Variants in TMC1 observed in about 807,000 individuals in gnomAD.
TMC1 encodes transmembrane channel like 1.
A neutral mutation model predicts 105.8 loss-of-function variants in TMC1; 84 were observed. The observed-to-expected ratio is 0.79, with a 90% CI of 0.67 to 0.95. The LOEUF is 0.95. Ranked by LOEUF, TMC1 falls within the 40% of genes least tolerant of loss-of-function variation. The pLI is 0.00. For missense variants in TMC1, 817 were observed against 914.1 expected, an observed-to-expected ratio of 0.89 and a Z score of 1.37; for synonymous variants, 315 against 311.5, an observed-to-expected ratio of 1.01 and a Z score of -0.12.
At chr9:72,731,918 A>G (rs980577621) in intron 8 of TMC1, among the ~76,000 whole-genome samples, 4 of 152,102 alleles carry the variant, frequency 2.6e-5, no homozygotes, top group Non-Finnish European at 4.4e-5. Context: ...TACTTTTACT[A>G]TTCTTGTTTG....
chr9:72,577,222 C>T (rs1824397595), intron 1 of TMC1, among the ~76,000 whole-genome samples: 1 of 152,194 alleles, frequency 6.6e-6, no homozygotes, highest in Non-Finnish European at 1.5e-5. Flanking sequence ...CATTGTTCCT[C>T]CTCTTGGGCT....
At chr9:72,525,493 T>C (rs1823390807) in intron 1 of TMC1, among the ~76,000 whole-genome samples, 1 of 152,216 alleles carries the variant, frequency 6.6e-6, no homozygotes, top group South Asian at 2.1e-4. Context: ...ACAGTGTGAA[T>C]AAGTTAATTT....
chr9:72,742,306 C>G (rs892294843), intron 9 of TMC1, 138 bp from the exon 10 acceptor site: 6 of 728,584 alleles, frequency 8.2e-6, no homozygotes, highest in Admixed American at 2.0e-5. Context: ...TACTGTTTCC[C>G]CCTTTGACTA....
intron 2 of TMC1, among the ~76,000 whole-genome samples, chr9:72,590,294 A>T (rs1824616327): frequency 6.6e-6 from 1 of 152,202 alleles, no homozygotes; most frequent in Non-Finnish European, 1.5e-5. Flanking sequence ...CTTGAAGCAG[A>T]TTGCAATTTC....
chr9:72,701,566 CA>C (rs1826646915), intron 8 of TMC1, among the ~76,000 whole-genome samples: 1 of 152,166 alleles, frequency 6.6e-6, no homozygotes, highest in Non-Finnish European at 1.5e-5. Context: ...TATCCCTTCA[CA>C]AGCCTATTTA....
intron 8 of TMC1, among the ~76,000 whole-genome samples, chr9:72,719,380 C>T (rs767829724): frequency 8.5e-5 from 13 of 152,142 alleles, no homozygotes; most frequent in African/African-American, 1.4e-4. Context: ...GCTTCTTCTA[C>T]CCTTGTGTTT....
chr9:72,743,434 G>T (rs1827430188), intron 10 of TMC1, among the ~76,000 whole-genome samples: 1 of 150,524 alleles, frequency 6.6e-6, no homozygotes, highest in African/African-American at 2.4e-5. Flanking sequence ...CAGGCCTGGT[G>T]CAAAAGCCTG....
intron 5 of TMC1, among the ~76,000 whole-genome samples, chr9:72,668,878 G>C (rs561040804): frequency 6.6e-6 from 1 of 152,286 alleles, no homozygotes; most frequent in South Asian, 2.1e-4. Flanking sequence ...AACAGCTTGT[G>C]TGAGATACTT....
At chr9:72,630,123 C>T (rs946966959) in intron 4 of TMC1, among the ~76,000 whole-genome samples, 2 of 152,140 alleles carry the variant, frequency 1.3e-5, no homozygotes, top group Admixed American at 6.5e-5. Context: ...GCCTCAGCCT[C>T]CCAAAGTGCT....
At chr9:72,706,001 A>G (rs955343104) in intron 8 of TMC1, among the ~76,000 whole-genome samples, 9 of 152,222 alleles carry the variant, frequency 5.9e-5, no homozygotes, top group Non-Finnish European at 4.4e-5. Flanking sequence ...TCAGCTGGCC[A>G]TTAAGGTAAC....
At chr9:72,822,994 G>A (rs1034114417) in intron 20 of TMC1, among the ~76,000 whole-genome samples, 5 of 152,080 alleles carry the variant, frequency 3.3e-5, no homozygotes, top group Non-Finnish European at 7.4e-5. Context: ...TCACTATTTT[G>A]AAATCAGGGA....
intron 1 of TMC1, among the ~76,000 whole-genome samples, chr9:72,552,589 A>G (rs1823875616): frequency 6.6e-6 from 1 of 152,218 alleles, no homozygotes; most frequent in Non-Finnish European, 1.5e-5. Context: ...AACATGGATC[A>G]CAAGATACTT....
intron 3 of TMC1, among the ~76,000 whole-genome samples, chr9:72,627,431 A>G (rs1393916932): frequency 1.3e-5 from 2 of 152,126 alleles, no homozygotes; most frequent in African/African-American, 2.4e-5. Context: ...CTCTAGTTCC[A>G]TCCACAAGTA....
At chr9:72,529,782 A>T (rs1823467674) in intron 1 of TMC1, among the ~76,000 whole-genome samples, 1 of 152,178 alleles carries the variant, frequency 6.6e-6, no homozygotes, top group Non-Finnish European at 1.5e-5. Flanking sequence ...GTCTGTACAT[A>T]AGAGAAAACA....
intron 17 of TMC1, among the ~76,000 whole-genome samples, chr9:72,801,215 T>A (rs1012777710): frequency 3.9e-5 from 6 of 152,178 alleles, no homozygotes; most frequent in African/African-American, 1.4e-4. Context: ...ATGGATTTGA[T>A]AGGTGGGCAG....
chr9:72,634,534 C>T (rs1825502354), intron 4 of TMC1, among the ~76,000 whole-genome samples: 1 of 152,138 alleles, frequency 6.6e-6, no homozygotes. Flanking sequence ...GCATTAGTTT[C>T]AGGTAGGGAC....
At chr9:72,835,264 G>T (rs1829103484) in intron 23 of TMC1, among the ~76,000 whole-genome samples, 2 of 152,116 alleles carry the variant, frequency 1.3e-5, no homozygotes, top group Non-Finnish European at 2.9e-5. Flanking sequence ...GGAGAACAAT[G>T]GTTTTATGTC....
intron 19 of TMC1, chr9:72,818,700 C>G (rs1028707578): frequency 2.6e-5 from 4 of 152,092 alleles, no homozygotes; most frequent in Admixed American, 2.0e-4. Flanking sequence ...TTTTATAAGG[C>G]TAAAGTGTTA....
rs727503482 is a variant in TMC1 at position 72,772,448 on chromosome 9, T to C, written c.777T>C (p.Tyr259=). 1.7e-5 allele frequency: 27 copies of C among 1,613,842 alleles called. No individual in the cohort carries two copies. The highest frequency in any genetic ancestry group is 1.6e-4 in the Middle Eastern group (1 of 6,084). ...LAQYSVLFYG[Y]YDNKRTIGWM... is the part of the protein sequence containing the mutation. ...AATATTCCGTTCTCTTTTATGGCTA[T>C]TATGACAATAAACGAACAATTGGAT... The change falls in exon 13 of 24, where the codon TAT becomes TAC. Residue 259 remains tyrosine (Y), a synonymous_variant. Coordinates refer to ENST00000297784, the MANE Select transcript of TMC1 (RefSeq NM_138691.3).
Sources: gnomAD v4.1 joint callset for allele counts (sites outside exome capture counted in the v4.1 genomes callset) on GRCh38, gnomAD v4.1.1 for gene constraint, MANE v1.5 for transcripts, NCBI Gene and HGNC (gene_info 2026-07-23, HGNC 2026-07-21) for gene names.